Variants in KCNH8 observed in about 807,000 individuals in gnomAD.
KCNH8 encodes the protein potassium voltage-gated channel subfamily H member 8.
In KCNH8, 70 loss-of-function variants were observed where a neutral mutation model predicts 103.6. That is an observed-to-expected ratio of 0.68 (90% confidence interval 0.56 to 0.82). The LOEUF is 0.82. Ranked by LOEUF, KCNH8 falls within the 40% of genes least tolerant of loss-of-function variation. The pLI is 0.00. For missense variants in KCNH8, 1,217 were observed against 1,329.9 expected (o/e 0.92, Z 1.32); for synonymous variants, 498 against 489.4 (o/e 1.02, Z -0.23).
At chr3:19,373,072 C>A (rs1202649729) in intron 5 of KCNH8, among the ~76,000 whole-genome samples, 1 of 151,794 alleles carries the variant, frequency 6.6e-6, no homozygotes, top group African/African-American at 2.4e-5. Context: ...CTAAAATTCT[C>A]TTTTTTGGTT....
intron 1 of KCNH8, among the ~76,000 whole-genome samples, chr3:19,217,251 T>C (rs543593474): frequency 6.6e-5 from 10 of 152,310 alleles, no homozygotes; most frequent in African/African-American, 2.2e-4. Flanking sequence ...TATTTCACCT[T>C]ACATTTCTAT....
rs116013024 is a variant in KCNH8, at chr3:19,532,129, G to A, written c.2620-1266G>A. 7.6e-3 allele frequency among the ~76,000 whole-genome samples: 1,159 copies of A among 152,286 alleles called. 8 individuals carry two copies. Among genetic ancestry groups the A allele is most frequent in the South Asian group, 0.02 (97 of 4,824 alleles). The stretch of plus-strand genomic sequence containing the variant: ...TCTGGTGGTATTCCATGATTAAAAT[G>A]CTGATGTGGTCGTTACGAAAATAAA... On this transcript the variant is annotated intron_variant, in intron 15 of 15. Transcript: ENST00000328405.
chr3:19,314,146 A>G (rs896880241), intron 3 of KCNH8, among the ~76,000 whole-genome samples: 8 of 152,042 alleles, frequency 5.3e-5, no homozygotes, highest in Non-Finnish European at 1.0e-4. Flanking sequence ...GAATATATTT[A>G]GAAAAATTGT....
intron 7 of KCNH8, among the ~76,000 whole-genome samples, chr3:19,434,053 A>G (rs923639278): frequency 1.4e-4 from 22 of 152,222 alleles, no homozygotes; most frequent in Non-Finnish European, 1.6e-4. Context: ...TCACCACTGG[A>G]GGAAACTAGG....
chr3:19,285,779 C>T (rs1575495724), intron 3 of KCNH8, among the ~76,000 whole-genome samples: 1 of 151,778 alleles, frequency 6.6e-6, no homozygotes, highest in Non-Finnish European at 1.5e-5. Context: ...GTTTTTTCTC[C>T]CTCACTTGCC....
Position 19,510,398 on chromosome 3 carries a change from A to C in KCNH8, c.2076A>C (p.Ser692=), listed in dbSNP as rs1464061099. The C allele has an allele frequency of 1.9e-6, 3 of 1,570,310 alleles. No individual in the cohort carries two copies. The highest frequency in any genetic ancestry group is 2.6e-6 in the Non-Finnish European group (3 of 1,140,346). ...ISRLSNKSMV[S]QSEPKGNGNI... ...GACTATCAAACAAATCTATGGTCTC[A>C]CAGGTATGGCTTTTGCTACACAGCA... The change falls in exon 12 of 16, where the codon TCA becomes TCC. Residue 692 remains serine (S), a synonymous_variant. Coordinates refer to ENST00000328405, the MANE Select transcript of KCNH8 (RefSeq NM_144633.3).
rs1327896503 is a variant in KCNH8, at chr3:19,456,955, C to A, written c.2013C>A (p.Tyr671Ter). ...FVEDIQHDLT[Y>*]NLREGHESDV... is the part of the protein sequence containing the mutation. ...AAGACATTCAGCATGACCTCACATA[C>A]AACCTCCGAGAAGGTCATGAGAGTG... Residue 671 changes from tyrosine (Y) to a stop codon, truncating the protein, a stop_gained, in exon 11 of 16, where the codon TAC becomes TAA. Coordinates refer to ENST00000328405, the MANE Select transcript of KCNH8 (RefSeq NM_144633.3). LOFTEE classifies it high-confidence loss of function. 2 of 1,611,738 alleles carry A rather than the reference C, an allele frequency of 1.2e-6. No homozygotes were observed. Among genetic ancestry groups the A allele is most frequent in the Non-Finnish European group, 1.7e-6 (2 of 1,178,494 alleles).
chr3:19,389,262 T>G (rs1045872836), intron 5 of KCNH8, among the ~76,000 whole-genome samples: 1 of 152,166 alleles, frequency 6.6e-6, no homozygotes, highest in African/African-American at 2.4e-5. Flanking sequence ...AAGGCTGACA[T>G]CAAAATATCA....
intron 1 of KCNH8, among the ~76,000 whole-genome samples, chr3:19,177,886 A>G (rs971319433): frequency 3.3e-4 from 50 of 152,242 alleles, no homozygotes; most frequent in African/African-American, 1.1e-3. Context: ...GAAGTCATCC[A>G]TCTTCTGACA....
chr3:19,393,124 C>T (rs571082420), intron 6 of KCNH8, among the ~76,000 whole-genome samples: 1 of 151,904 alleles, frequency 6.6e-6, no homozygotes, highest in Non-Finnish European at 1.5e-5. Context: ...GATGAATGCA[C>T]CTGTCTATGA....
chr3:19,168,932 C>T (rs938461959), intron 1 of KCNH8, among the ~76,000 whole-genome samples: 2 of 152,032 alleles, frequency 1.3e-5, no homozygotes, highest in African/African-American at 4.8e-5. Flanking sequence ...AGGGGCCTAC[C>T]ACATACCTCT....
intron 7 of KCNH8, among the ~76,000 whole-genome samples, chr3:19,419,194 GGTTT>G (rs2066908984): frequency 6.2e-5 from 4 of 64,118 alleles, no homozygotes; most frequent in African/African-American, 2.8e-4. Flanking sequence ...AAATGGTTTT[GGTTT>G]TTTTTTTTTT....
intron 11 of KCNH8, among the ~76,000 whole-genome samples, chr3:19,501,677 A>G (rs2125233941): frequency 6.6e-6 from 1 of 152,324 alleles, no homozygotes; most frequent in African/African-American, 2.4e-5. Flanking sequence ...GACAAAAACC[A>G]CATGATTATC....
rs1193568781 is a variant in KCNH8, at chr3:19,381,796, GTCTC to G, written c.812-8681_812-8678del. ...GCATATAAGAAAGTGAATTCGTATA[GTCTC>G]TCTATTAAACTCTTTGCCAGTGTCT... On this transcript the variant is annotated intron_variant, in intron 5 of 15. Transcript: ENST00000328405. Among the ~76,000 whole-genome samples the G allele has an allele frequency of 1.4e-3, 216 of 152,248 alleles. 1 individual carries two copies. The highest frequency in any genetic ancestry group is 3.7e-4 in the Non-Finnish European group (25 of 67,994).
intron 7 of KCNH8, among the ~76,000 whole-genome samples, chr3:19,432,768 G>T (rs1328840192): frequency 6.6e-6 from 1 of 152,110 alleles, no homozygotes; most frequent in Non-Finnish European, 1.5e-5. Context: ...TTTTATGTAG[G>T]AAAGTTAAAT....
chr3:19,444,278 T>C (rs1204724595), intron 8 of KCNH8, among the ~76,000 whole-genome samples: 2 of 151,982 alleles, frequency 1.3e-5, no homozygotes, highest in African/African-American at 2.4e-5. Context: ...TTTCAGTAAA[T>C]GTTGTTGGGC....
chr3:19,399,906 A>G (rs1198536269), intron 7 of KCNH8, among the ~76,000 whole-genome samples: 5 of 151,884 alleles, frequency 3.3e-5, no homozygotes, highest in Non-Finnish European at 5.9e-5. Context: ...ACAAAACAAG[A>G]CTAGGAAAAG....
chr3:19,187,091 T>A (rs570717584), intron 1 of KCNH8, among the ~76,000 whole-genome samples: 3 of 152,106 alleles, frequency 2.0e-5, no homozygotes, highest in African/African-American at 7.2e-5. Context: ...ATGTTGTTCT[T>A]TTTGTTTTTT....
At chr3:19,225,973 G>A (rs1251670365) in intron 1 of KCNH8, among the ~76,000 whole-genome samples, 1 of 152,194 alleles carries the variant, frequency 6.6e-6, no homozygotes, top group Non-Finnish European at 1.5e-5. Flanking sequence ...TTTATGAAAA[G>A]TGATATCATT....
Sources: allele counts gnomAD v4.1 joint callset (sites outside exome capture counted in the v4.1 genomes callset), GRCh38; gene constraint gnomAD v4.1.1; transcripts MANE v1.5; gene names NCBI Gene and HGNC (gene_info 2026-07-23, HGNC 2026-07-21).